Variants in GABRG3 observed in about 807,000 individuals in gnomAD.
The protein encoded by GABRG3 is gamma-aminobutyric acid type A receptor subunit gamma3.
In GABRG3, 25 loss-of-function variants were observed where a neutral mutation model predicts 48.8. The ratio of observed to expected loss-of-function variants is 0.51; its 90% CI spans 0.37 to 0.72. The LOEUF (loss-of-function observed/expected upper bound fraction) is 0.72. Ranked by LOEUF, GABRG3 falls within the 30% of genes least tolerant of loss-of-function variation. GABRG3 has a pLI of 0.00. For missense variants in GABRG3, 394 were observed against 577.9 expected (o/e 0.68, Z 3.26); for synonymous variants, 227 against 217.6 (o/e 1.04, Z -0.38).
intron 7 of GABRG3, among the ~76,000 whole-genome samples, chr15:27,523,904 A>G (rs1891215454): frequency 6.6e-6 from 1 of 152,048 alleles, no homozygotes; most frequent in South Asian, 2.1e-4. Flanking sequence ...GGAGAGGGAA[A>G]TGATCCAACA....
At chr15:27,064,951 A>T (rs1414173452) in intron 3 of GABRG3, among the ~76,000 whole-genome samples, 1 of 152,216 alleles carries the variant, frequency 6.6e-6, no homozygotes. Context: ...TATACAATTG[A>T]GACACTAATT....
At position 27,094,380 on chromosome 15, in the gene GABRG3, T is replaced by C. The variant is rs563877954; in HGVS notation, c.270+67559T>C. On this transcript the variant is annotated intron_variant, in intron 3 of 9. Transcript: ENST00000615808. ...CAGCTTTTTATTGCACCAGCTGCCT[T>C]CTTAAAAAATTGTCTGCCTCCATAT... Among the ~76,000 whole-genome samples the C allele has an allele frequency of 8.5e-5, 13 of 152,312 alleles. No homozygotes were observed. In the East Asian group the frequency reaches 2.5e-3, roughly 29 times the overall value.
chr15:27,255,880 G>A (rs1203612289), intron 3 of GABRG3, among the ~76,000 whole-genome samples: 2 of 150,542 alleles, frequency 1.3e-5, no homozygotes, highest in Non-Finnish European at 2.9e-5. Flanking sequence ...GAAACGGGAA[G>A]AGCATGTGTT....
At chr15:27,278,211 C>T (rs1189251690) in intron 3 of GABRG3, among the ~76,000 whole-genome samples, 3 of 151,928 alleles carry the variant, frequency 2.0e-5, no homozygotes, top group Non-Finnish European at 4.4e-5. Flanking sequence ...ACCACCATGC[C>T]CGGCTAATTT....
intron 3 of GABRG3, among the ~76,000 whole-genome samples, chr15:27,029,528 A>C (rs1473206926): frequency 6.6e-6 from 1 of 152,028 alleles, no homozygotes; most frequent in East Asian, 1.9e-4. Flanking sequence ...CATCACACGC[A>C]CACATACAGG....
At chr15:27,448,792 C>T (rs945779824) in intron 5 of GABRG3, among the ~76,000 whole-genome samples, 3 of 151,862 alleles carry the variant, frequency 2.0e-5, no homozygotes, top group Non-Finnish European at 4.4e-5. Context: ...TACATGTGTG[C>T]ATGTGTGCAT....
At chr15:27,369,164 T>A (rs1036616915) in intron 5 of GABRG3, among the ~76,000 whole-genome samples, 1 of 152,212 alleles carries the variant, frequency 6.6e-6, no homozygotes, top group Non-Finnish European at 1.5e-5. Context: ...GCTTCAGAAG[T>A]CACTTTATCC....
At chr15:27,364,856 C>G (rs1595706405) in intron 5 of GABRG3, 1 of 152,186 alleles carries the variant, frequency 6.6e-6, no homozygotes, top group Admixed American at 6.5e-5. Flanking sequence ...GAAAGGGTAT[C>G]CTATAATACA....
intron 3 of GABRG3, among the ~76,000 whole-genome samples, chr15:27,225,629 A>T (rs1314007956): frequency 6.6e-6 from 1 of 152,082 alleles, no homozygotes; most frequent in Non-Finnish European, 1.5e-5. Flanking sequence ...GCAAGCATGG[A>T]ATCCTGCTTC....
chr15:27,481,516 T>C (rs1228754993), intron 6 of GABRG3, among the ~76,000 whole-genome samples: 1 of 152,130 alleles, frequency 6.6e-6, no homozygotes, highest in African/African-American at 2.4e-5. Context: ...GTATGAAGAA[T>C]TTGTTGGGTC....
intron 3 of GABRG3, among the ~76,000 whole-genome samples, chr15:27,224,674 A>G (rs1340568696): frequency 6.6e-6 from 1 of 152,200 alleles, no homozygotes; most frequent in Non-Finnish European, 1.5e-5. Flanking sequence ...TATGATGAGA[A>G]TGTATTTGAT....
intron 5 of GABRG3, among the ~76,000 whole-genome samples, chr15:27,358,181 T>TGACA (rs1894903160): frequency 6.6e-6 from 1 of 152,204 alleles, no homozygotes; most frequent in African/African-American, 2.4e-5. Context: ...CCAGTTGTTT[T>TGACA]CTTAGAAGTG....
chr15:27,138,467 A>T (rs1191513647), intron 3 of GABRG3, among the ~76,000 whole-genome samples: 4 of 152,164 alleles, frequency 2.6e-5, no homozygotes, highest in Admixed American at 2.6e-4. Context: ...ATGTTCTTGG[A>T]ATGCATCACT....
intron 3 of GABRG3, among the ~76,000 whole-genome samples, chr15:27,249,971 A>T (rs1890401923): frequency 2.6e-5 from 4 of 152,168 alleles, no homozygotes; most frequent in Admixed American, 2.6e-4. Flanking sequence ...TGGAGAAGGC[A>T]CTGAAGTCTA....
chr15:27,194,453 A>G (rs777051084), intron 3 of GABRG3, among the ~76,000 whole-genome samples: 64 of 152,206 alleles, frequency 4.2e-4, no homozygotes, highest in Non-Finnish European at 7.8e-4. Context: ...GATATTTCCT[A>G]GGCACAAATT....
At chr15:27,395,869 ATT>A (rs1005415354) in intron 5 of GABRG3, among the ~76,000 whole-genome samples, 1 of 151,216 alleles carries the variant, frequency 6.6e-6, no homozygotes, top group Non-Finnish European at 1.5e-5. Flanking sequence ...TAAATTGGAC[ATT>A]TTTTTTTGAG....
At chr15:27,440,771 C>T (rs2140632524) in intron 5 of GABRG3, among the ~76,000 whole-genome samples, 1 of 152,266 alleles carries the variant, frequency 6.6e-6, no homozygotes, top group African/African-American at 2.4e-5. Context: ...TAGAGTTACT[C>T]CTTAAAGGCA....
At chr15:27,320,297 T>C (rs1389069438) in intron 3 of GABRG3, among the ~76,000 whole-genome samples, 1 of 152,186 alleles carries the variant, frequency 6.6e-6, no homozygotes, top group Non-Finnish European at 1.5e-5. Context: ...ATCACCCGGC[T>C]AAGGGGATGC....
chr15:27,441,201 G>A (rs1325580481), intron 5 of GABRG3, among the ~76,000 whole-genome samples: 3 of 152,158 alleles, frequency 2.0e-5, no homozygotes, highest in Admixed American at 1.3e-4. Context: ...AAATATTGCT[G>A]CAATTTTCTT....
Sources: allele counts gnomAD v4.1 joint callset (sites outside exome capture counted in the v4.1 genomes callset), GRCh38; gene constraint gnomAD v4.1.1; transcripts MANE v1.5; gene names NCBI Gene and HGNC (gene_info 2026-07-23, HGNC 2026-07-21).